The following RBFOX1 variants were observed in gnomAD, a reference collection of about 807,000 sequenced individuals.
RBFOX1 encodes the protein RNA binding protein fox-1 homolog 1.
A neutral mutation model predicts 57.7 loss-of-function variants in RBFOX1; 8 were observed. The ratio of observed to expected loss-of-function variants is 0.14; its 90% CI spans 0.08 to 0.25. The LOEUF (loss-of-function observed/expected upper bound fraction) is 0.25, where lower values mean the gene tolerates loss of function less well. RBFOX1 is among the 10% of genes least tolerant of loss of function. RBFOX1 has a pLI of 1.00. For synonymous variants in RBFOX1, 326 were observed against 222.4 expected (o/e 1.47, Z -4.15); for missense variants, 611 against 548.5 (o/e 1.11, Z -1.14).
chr16:7,006,847 A>C (rs1292435499), intron 3 of RBFOX1, among the ~76,000 whole-genome samples: 1 of 152,188 alleles, frequency 6.6e-6, no homozygotes, highest in African/African-American at 2.4e-5. Context: ...CAGTGGAATC[A>C]CACTTTGAAC....
intron 2 of RBFOX1, among the ~76,000 whole-genome samples, chr16:6,385,421 G>A (rs1033978208): frequency 2.6e-5 from 4 of 152,068 alleles, no homozygotes; most frequent in East Asian, 1.9e-4. Context: ...GTGCAGTGCC[G>A]CCATCTTGGC....
intron 3 of RBFOX1, among the ~76,000 whole-genome samples, chr16:6,976,418 A>T (rs748086478): frequency 6.6e-6 from 1 of 152,084 alleles, no homozygotes; most frequent in African/African-American, 2.4e-5. Flanking sequence ...AGAGGCGAGC[A>T]TGTTTTATAC....
intron 1 of RBFOX1, among the ~76,000 whole-genome samples, chr16:6,198,218 A>G (rs1359644178): frequency 6.6e-6 from 1 of 152,166 alleles, no homozygotes; most frequent in Non-Finnish European, 1.5e-5. Context: ...CTTCAGACAG[A>G]CCTTCTGAGG....
Position 6,954,064 on chromosome 16 carries a change from C to G in RBFOX1, c.-15-97993C>G, listed in dbSNP as rs139299870. ...TAATATGGCAAGAGAGAGAACTTCT[C>G]TGTCAACAAGGCGGTAATAAAGTGT... On this transcript the variant is annotated intron_variant, in intron 3 of 15. Coordinates refer to ENST00000550418, the MANE Select transcript of RBFOX1 (RefSeq NM_018723.4). Among the ~76,000 whole-genome samples the G allele has an allele frequency of 8.2e-4, 125 of 152,288 alleles. 1 individual carries two copies. In the East Asian group the frequency reaches 0.014, roughly 17 times the overall value.
chr16:6,921,728 C>CAT (rs2074499200), intron 3 of RBFOX1, among the ~76,000 whole-genome samples: 1 of 149,952 alleles, frequency 6.7e-6, no homozygotes, highest in Non-Finnish European at 1.5e-5. Context: ...TGATAATGTT[C>CAT]ATATATATGA....
intron 3 of RBFOX1, among the ~76,000 whole-genome samples, chr16:6,735,342 T>A (rs1180789163): frequency 1.3e-5 from 2 of 152,244 alleles, no homozygotes; most frequent in Admixed American, 1.3e-4. Flanking sequence ...CCTGGTTACT[T>A]AGTGCCGTCA....
chr16:5,484,978 G>C (rs1159098803), intron 2 of RBFOX1, among the ~76,000 whole-genome samples: 1 of 152,030 alleles, frequency 6.6e-6, no homozygotes, highest in Non-Finnish European at 1.5e-5. Flanking sequence ...AGGATTGCTT[G>C]AGTCTAGGAG....
At chr16:6,791,834 G>A (rs1286464439) in intron 3 of RBFOX1, among the ~76,000 whole-genome samples, 1 of 152,138 alleles carries the variant, frequency 6.6e-6, no homozygotes, top group African/African-American at 2.4e-5. Context: ...CCTCCAGGAA[G>A]GTGGTACTGG....
At chr16:6,194,800 T>TTGAAAC (rs1311780322) in intron 1 of RBFOX1, among the ~76,000 whole-genome samples, 1 of 152,244 alleles carries the variant, frequency 6.6e-6, no homozygotes, top group Non-Finnish European at 1.5e-5. Flanking sequence ...ACGTTTCGTG[T>TTGAAAC]ACCTTCCCTT....
intron 2 of RBFOX1, among the ~76,000 whole-genome samples, chr16:6,500,773 T>G (rs1424192680): frequency 6.6e-6 from 1 of 152,118 alleles, no homozygotes; most frequent in Non-Finnish European, 1.5e-5. Context: ...CTCACAAAGA[T>G]TATAAACCAA....
At chr16:7,437,517 A>G (rs2149775391) in intron 4 of RBFOX1, among the ~76,000 whole-genome samples, 1 of 152,350 alleles carries the variant, frequency 6.6e-6, no homozygotes, top group Non-Finnish European at 1.5e-5. Flanking sequence ...GCCAAGCTGC[A>G]GAGTACCATT....
intron 1 of RBFOX1, among the ~76,000 whole-genome samples, chr16:5,375,238 A>G (rs189739069): frequency 9.3e-4 from 142 of 152,332 alleles, no homozygotes; most frequent in African/African-American, 3.1e-3. Context: ...ATGACATGTG[A>G]TAATTTCTAA....
intron 1 of RBFOX1, among the ~76,000 whole-genome samples, chr16:5,357,469 C>T (rs941667457): frequency 2.6e-5 from 4 of 152,184 alleles, no homozygotes; most frequent in African/African-American, 9.7e-5. Flanking sequence ...GACTGAGTCC[C>T]ACAGGGAAGA....
intron 1 of RBFOX1, among the ~76,000 whole-genome samples, chr16:5,423,968 G>A (rs1012839972): frequency 4.6e-5 from 7 of 152,112 alleles, no homozygotes; most frequent in Non-Finnish European, 7.4e-5. Flanking sequence ...CCCGAAGCTC[G>A]GGGCTTTGCA....
chr16:5,265,779 T>C (rs1208065821), intron 1 of RBFOX1, among the ~76,000 whole-genome samples: 2 of 152,162 alleles, frequency 1.3e-5, no homozygotes, highest in African/African-American at 2.4e-5. Flanking sequence ...GAGTGAATGG[T>C]GCGTTTCTCC....
intron 2 of RBFOX1, among the ~76,000 whole-genome samples, chr16:6,417,813 A>G (rs1203530023): frequency 1.3e-5 from 2 of 151,144 alleles, no homozygotes; most frequent in Non-Finnish European, 2.9e-5. Context: ...TCACCCAGAT[A>G]TTAATCCTAG....
chr16:6,042,287 GAC>G (rs1172902075), intron 1 of RBFOX1, among the ~76,000 whole-genome samples: 1 of 151,930 alleles, frequency 6.6e-6, no homozygotes, highest in Non-Finnish European at 1.5e-5. Context: ...TTTTAGTAGA[GAC>G]AGGGTTTCAC....
chr16:6,674,764 C>T (rs990530739), intron 3 of RBFOX1, among the ~76,000 whole-genome samples: 1 of 152,156 alleles, frequency 6.6e-6, no homozygotes, highest in East Asian at 1.9e-4. Context: ...CCAGCAGAAG[C>T]TACAAGAGGC....
rs555275145 is a variant in RBFOX1, at chr16:7,545,851, T to G, written c.270+27462T>G. On this transcript the variant is annotated intron_variant, in intron 5 of 15. Coordinates refer to ENST00000550418, the MANE Select transcript of RBFOX1 (RefSeq NM_018723.4). ...AAGTCACAGACATCCTCAGAGCCTC[T>G]GTCTCTGCATCGGGGGAGCAGAACC... 2.0e-5 allele frequency among the ~76,000 whole-genome samples: 3 copies of G among 152,236 alleles called. No homozygotes were observed. The East Asian group carries it at 5.8e-4, about 29-fold the overall frequency.
Sources: gnomAD v4.1 joint callset for allele counts (sites outside exome capture counted in the v4.1 genomes callset) on GRCh38, gnomAD v4.1.1 for gene constraint, MANE v1.5 for transcripts, NCBI Gene and HGNC (gene_info 2026-07-23, HGNC 2026-07-21) for gene names.